SORCS1: variants seen among roughly 807,000 people sequenced by gnomAD.
SORCS1 encodes the protein VPS10 domain-containing receptor SorCS1.
Under a neutral mutation model 146.1 loss-of-function variants are expected in SORCS1, and 60 were observed. That is an observed-to-expected ratio of 0.41 (90% CI 0.33 to 0.51). The LOEUF is 0.51. Ranked by LOEUF, SORCS1 falls within the 20% of genes least tolerant of loss-of-function variation. The pLI is 0.21. For missense variants in SORCS1, 1,352 were observed against 1,487.6 expected, an observed-to-expected ratio of 0.91 and a Z score of 1.50; for synonymous variants, 637 against 584.0, an observed-to-expected ratio of 1.09 and a Z score of -1.31.
rs146516392 is a variant in SORCS1, at chr10:107,132,791, C to T, written c.558+31178G>A. Among the ~76,000 whole-genome samples, 532 of 152,310 alleles carry T rather than the reference C, an allele frequency of 3.5e-3. 2 individuals are homozygous for T. Among genetic ancestry groups the T allele is most frequent in the African/African-American group, 0.012 (506 of 41,562 alleles). On this transcript the variant is annotated intron_variant, in intron 1 of 25. Transcript: ENST00000263054. ...GATTCACTAAGATTACCACGTTCAA[C>T]AGCCCCGTTGTTACTCTATGTGTAT...
intron 3 of SORCS1, among the ~76,000 whole-genome samples, chr10:106,798,455 A>T (rs1478095886): frequency 1.2e-5 from 1 of 83,134 alleles, no homozygotes; most frequent in Admixed American, 1.5e-4. Context: ...CACCCACGAC[A>T]GGCCCTGGTG....
Position 106,629,387 on chromosome 10 carries a change from C to G in SORCS1, c.2477G>C (p.Gly826Ala). 1 of 1,613,612 alleles carries G rather than the reference C, an allele frequency of 6.2e-7. No individual in the cohort carries two copies. Among genetic ancestry groups the G allele is most frequent in the Non-Finnish European group, 8.5e-7 (1 of 1,179,602 alleles). ...NVTLMVQLEEGDVQRTLIQVD... is the reference protein window; with the variant it reads ...NVTLMVQLEEADVQRTLIQVD... ...TTGGATGAGTGTCCGCTGAACATCA[C>G]CCTGAAAAACAACCCAACATCAGAG... Residue 826 changes from glycine (G) to alanine (A), a missense_variant and splice_region_variant, in exon 19 of 26, where the codon GGT becomes GCT. Around this residue, in one of 3 missense-constraint regions of SORCS1, gnomAD observed 648 missense variants for 793.8 expected, o/e 0.82. Transcript: ENST00000263054.
At position 106,652,681 on chromosome 10, in the gene SORCS1, T is replaced by C. The variant is rs1179956255; in HGVS notation, c.2304-128A>G. ...AGCACCTAACCATCTTTCATGCTAC[T>C]ATGAGGAGTAGGGTTAATTCATATA... On this transcript the variant is annotated intron_variant, in intron 17 of 25. Coordinates refer to ENST00000263054, the MANE Select transcript of SORCS1 (RefSeq NM_052918.5). 6.2e-6 allele frequency: 6 copies of C among 963,880 alleles called. No individual in the cohort carries two copies. In the African/African-American group the frequency reaches 9.7e-5, roughly 16 times the overall value. 59.7% of individuals were successfully genotyped at this position (963,880 alleles called of 1,614,324 possible).
intron 1 of SORCS1, among the ~76,000 whole-genome samples, chr10:107,089,635 G>A (rs1481864115): frequency 6.6e-6 from 1 of 151,898 alleles, no homozygotes; most frequent in East Asian, 1.9e-4. Flanking sequence ...AATTAAGGAA[G>A]GAATAAACAA....
intron 24 of SORCS1, among the ~76,000 whole-genome samples, chr10:106,586,594 G>A (rs556827434): frequency 1.3e-5 from 2 of 152,180 alleles, no homozygotes; most frequent in South Asian, 4.2e-4. Flanking sequence ...TAGTTACCCT[G>A]TAATCATTTC....
chr10:106,668,342 T>C (rs923379064), intron 16 of SORCS1, among the ~76,000 whole-genome samples: 5 of 152,176 alleles, frequency 3.3e-5, no homozygotes, highest in Non-Finnish European at 7.3e-5. Flanking sequence ...TTCAGGAGTG[T>C]CTCGAGCATT....
chr10:106,748,539 T>A (rs989772463), intron 5 of SORCS1, among the ~76,000 whole-genome samples: 1 of 152,182 alleles, frequency 6.6e-6, no homozygotes, highest in Non-Finnish European at 1.5e-5. Context: ...TATTGCAACA[T>A]TCACTTATTC....
intron 6 of SORCS1, among the ~76,000 whole-genome samples, chr10:106,710,432 G>GAAAAAA (rs33978828): frequency 7.9e-6 from 1 of 126,828 alleles, no homozygotes; most frequent in African/African-American, 3.0e-5. Flanking sequence ...TGGGTGACAG[G>GAAAAAA]AAAAAAAAAA....
At chr10:106,620,701 G>T in intron 19 of SORCS1, 140 bp from the exon 20 acceptor site, 1 of 1,024,130 alleles carries the variant, frequency 9.8e-7, no homozygotes, top group Non-Finnish European at 1.4e-6. Flanking sequence ...GTGTTCAGAT[G>T]CTTTCCCCAC....
chr10:106,736,434 C>T (rs1381527010), intron 5 of SORCS1, among the ~76,000 whole-genome samples: 4 of 152,098 alleles, frequency 2.6e-5, no homozygotes, highest in Admixed American at 2.6e-4. Context: ...CCCACAGCCC[C>T]TCTTCATAAA....
At chr10:106,943,293 G>A (rs1438583170) in intron 2 of SORCS1, among the ~76,000 whole-genome samples, 2 of 152,106 alleles carry the variant, frequency 1.3e-5, no homozygotes, top group Non-Finnish European at 2.9e-5. Flanking sequence ...TCAGACTTCT[G>A]TATGTCTAGG....
chr10:106,709,171 A>C (rs1854763984), intron 7 of SORCS1, 52 bp downstream of exon 7: 1 of 1,421,730 alleles, frequency 7.0e-7, no homozygotes. Context: ...AGGGACAGAA[A>C]CAAGGAAAAG....
chr10:106,747,127 T>C (rs1437505876), intron 5 of SORCS1, among the ~76,000 whole-genome samples: 1 of 152,192 alleles, frequency 6.6e-6, no homozygotes, highest in Non-Finnish European at 1.5e-5. Context: ...TTACCATAAA[T>C]CTCATAAACG....
chr10:106,636,547 A>C (rs1482416894), intron 18 of SORCS1, among the ~76,000 whole-genome samples: 1 of 152,180 alleles, frequency 6.6e-6, no homozygotes, highest in African/African-American at 2.4e-5. Flanking sequence ...AAGGGAAAGC[A>C]GGCACGTCTT....
At chr10:106,866,161 A>C (rs1410437328) in intron 2 of SORCS1, among the ~76,000 whole-genome samples, 2 of 152,218 alleles carry the variant, frequency 1.3e-5, no homozygotes, top group Non-Finnish European at 2.9e-5. Flanking sequence ...CCCAGGGGTA[A>C]CTGAAAGCCT....
intron 10 of SORCS1, among the ~76,000 whole-genome samples, chr10:106,683,544 A>G (rs1368755020): frequency 6.6e-6 from 1 of 152,236 alleles, no homozygotes; most frequent in Non-Finnish European, 1.5e-5. Flanking sequence ...TTACCATAAA[A>G]TGGAAGACAT....
chr10:106,778,492 A>G (rs1860637324), intron 3 of SORCS1, among the ~76,000 whole-genome samples: 1 of 152,166 alleles, frequency 6.6e-6, no homozygotes, highest in South Asian at 2.1e-4. Context: ...GTATAAACTC[A>G]TATGGCTTCA....
chr10:107,015,165 C>T (rs1255960271), intron 1 of SORCS1, among the ~76,000 whole-genome samples: 2 of 152,148 alleles, frequency 1.3e-5, no homozygotes, highest in Non-Finnish European at 2.9e-5. Flanking sequence ...ATTCATTCAA[C>T]GCATTCTACA....
chr10:106,762,831 G>A (rs547100459), intron 4 of SORCS1, among the ~76,000 whole-genome samples: 108 of 152,214 alleles, frequency 7.1e-4, no homozygotes, highest in Non-Finnish European at 1.0e-3. Flanking sequence ...GATGGGACAG[G>A]TCACACTGTC....
Sources: allele counts gnomAD v4.1 joint callset (sites outside exome capture counted in the v4.1 genomes callset), GRCh38; gene constraint gnomAD v4.1.1; regional missense constraint gnomAD v4.1.1; transcripts MANE v1.5; gene names NCBI Gene and HGNC (gene_info 2026-07-23, HGNC 2026-07-21).